Variants in GOLGA5 observed in about 807,000 individuals in gnomAD.
GOLGA5 encodes the protein golgin A5.
A neutral mutation model predicts 93.5 loss-of-function variants in GOLGA5; 50 were observed. The observed-to-expected ratio is 0.53, with a 90% CI of 0.43 to 0.68. GOLGA5 has a LOEUF of 0.68. GOLGA5 is among the 30% of genes least tolerant of loss of function. The pLI is 0.00. For synonymous variants in GOLGA5, 312 were observed against 304.5 expected (o/e 1.02, Z -0.26); for missense variants, 760 against 856.4 (o/e 0.89, Z 1.40).
intron 2 of GOLGA5, among the ~76,000 whole-genome samples, chr14:92,804,071 T>G (rs1884930742): frequency 6.6e-6 from 1 of 152,190 alleles, no homozygotes; most frequent in African/African-American, 2.4e-5. Context: ...TTATAGTTTT[T>G]AAGATGGATA....
intron 6 of GOLGA5, among the ~76,000 whole-genome samples, chr14:92,814,194 C>A (rs1188225447): frequency 6.6e-6 from 1 of 151,994 alleles, no homozygotes; most frequent in Non-Finnish European, 1.5e-5. Context: ...GGGAGAAAGG[C>A]TGAGGTCTAA....
At chr14:92,794,526 C>T (rs1166223525) in intron 1 of GOLGA5, 70 bp downstream of exon 1, 1 of 152,372 alleles carries the variant, frequency 6.6e-6, no homozygotes, top group African/African-American at 2.4e-5. Context: ...GGGCGCAGTC[C>T]CTTCAGTGGA....
chr14:92,811,766 A>G lies in GOLGA5; in HGVS notation c.1320+12A>G, dbSNP rs775785536. The G allele has an allele frequency of 7.6e-6, 12 of 1,577,014 alleles. No individual in the cohort carries two copies. The Admixed American group carries it at 1.7e-4, about 22-fold the overall frequency. On this transcript the variant is annotated intron_variant, in intron 6 of 12. Coordinates refer to ENST00000163416, the MANE Select transcript of GOLGA5 (RefSeq NM_005113.4). ...CTAGAATACTGCAAGTAAGCATGAA[A>G]TGTACACTTTTGGATGTTAAGATGT... is the stretch of plus-strand genomic sequence containing the variant.
Position 92,839,744 on chromosome 14 carries a change from T to G in GOLGA5, c.*298T>G. On this transcript the variant is annotated 3_prime_UTR_variant, in exon 13 of 13. Transcript: ENST00000163416. ...GTTGTTCACCTCTGTACAGACCATC[T>G]GTATGTTAGGTGACATTGATTATGG... 3.0e-6 allele frequency: 1 copy of G among 335,794 alleles called. No homozygotes were observed. Among genetic ancestry groups the G allele is most frequent in the Non-Finnish European group, 5.4e-6 (1 of 185,166 alleles). The allele number at this position is 335,794 out of a possible 1,614,324, so 20.8% of individuals were successfully genotyped here.
chr14:92,829,266 C>G (rs1163554204), intron 9 of GOLGA5, among the ~76,000 whole-genome samples: 1 of 152,100 alleles, frequency 6.6e-6, no homozygotes, highest in Non-Finnish European at 1.5e-5. Flanking sequence ...CCTGGCGAGT[C>G]TTATCACTTA....
intron 2 of GOLGA5, among the ~76,000 whole-genome samples, chr14:92,804,556 A>G (rs1354943133): frequency 6.6e-6 from 1 of 152,016 alleles, no homozygotes; most frequent in East Asian, 1.9e-4. Flanking sequence ...CACAGATCTT[A>G]TATCATTTTT....
chr14:92,796,699 G>A (rs905245332), intron 1 of GOLGA5, among the ~76,000 whole-genome samples: 2 of 151,088 alleles, frequency 1.3e-5, no homozygotes, highest in African/African-American at 2.4e-5. Context: ...GGCCGGGCGC[G>A]GTGGCTCACG....
At chr14:92,816,480 T>A (rs1479291932) in intron 7 of GOLGA5, 59 bp downstream of exon 7, 1 of 1,419,412 alleles carries the variant, frequency 7.0e-7, no homozygotes, top group Non-Finnish European at 9.8e-7. Flanking sequence ...GTTAACAGTT[T>A]GAGAGGTGGG....
intron 2 of GOLGA5, among the ~76,000 whole-genome samples, chr14:92,805,631 T>C (rs1172934944): frequency 6.6e-6 from 1 of 152,234 alleles, no homozygotes; most frequent in Non-Finnish European, 1.5e-5. Context: ...CTAGTTGCTC[T>C]GCAGTGTCAC....
At position 92,796,887 on chromosome 14, in the gene GOLGA5, G is replaced by A. The variant is rs1038299291; in HGVS notation, c.-30-521G>A. 1.9e-4 allele frequency among the ~76,000 whole-genome samples: 19 copies of A among 99,636 alleles called. 1 individual carries two copies. Among genetic ancestry groups the A allele is most frequent in the African/African-American group, 8.1e-4 (18 of 22,248 alleles). 65.4% of individuals were successfully genotyped at this position (99,636 alleles called of 152,430 possible). A position where few individuals can be genotyped will look rare whatever the true frequency, so the allele number is the denominator to read the frequency against. ...CGGGAGGCTGAGGCAGGAGAGTGGC[G>A]TGAACCCGGGAAGCGGAGCTTGCAG... On this transcript the variant is annotated intron_variant, in intron 1 of 12. Coordinates refer to ENST00000163416, the MANE Select transcript of GOLGA5 (RefSeq NM_005113.4).
chr14:92,838,385 T>C (rs1885689547), intron 12 of GOLGA5, among the ~76,000 whole-genome samples: 1 of 152,006 alleles, frequency 6.6e-6, no homozygotes, highest in Non-Finnish European at 1.5e-5. Flanking sequence ...TTTTTTTTTC[T>C]GAGACTGAGT....
chr14:92,833,035 A>G (rs905205269), intron 9 of GOLGA5, 87 bp from the exon 10 acceptor site: 5 of 781,722 alleles, frequency 6.4e-6, no homozygotes, highest in East Asian at 2.4e-5. Flanking sequence ...GAATGCCACA[A>G]TTTACCTATG....
intron 2 of GOLGA5, among the ~76,000 whole-genome samples, chr14:92,800,327 G>T (rs1248085227): frequency 6.6e-6 from 1 of 152,206 alleles, no homozygotes; most frequent in Non-Finnish European, 1.5e-5. Context: ...TGTATTTTTA[G>T]CTGGGTCTTA....
chr14:92,798,951 T>C (rs1387676989), intron 2 of GOLGA5, among the ~76,000 whole-genome samples: 1 of 152,102 alleles, frequency 6.6e-6, no homozygotes, highest in Non-Finnish European at 1.5e-5. Context: ...AAAAACTTGA[T>C]AGTAGGTTCT....
chr14:92,810,871 A>T (rs10134439), intron 5 of GOLGA5, among the ~76,000 whole-genome samples: 1 of 152,242 alleles, frequency 6.6e-6, no homozygotes, highest in East Asian at 1.9e-4. Flanking sequence ...ATGCAGTCAC[A>T]TTCCATTGTA....
At chr14:92,837,659 G>A (rs2140339832) in intron 12 of GOLGA5, among the ~76,000 whole-genome samples, 1 of 152,114 alleles carries the variant, frequency 6.6e-6, no homozygotes, top group Middle Eastern at 3.4e-3. Context: ...TACCTCCCAG[G>A]CTCAAGCCAT....
chr14:92,821,846 A>T (rs893653094), intron 8 of GOLGA5, among the ~76,000 whole-genome samples: 3 of 152,192 alleles, frequency 2.0e-5, no homozygotes, highest in Admixed American at 2.0e-4. Flanking sequence ...CAGAAATTGC[A>T]TTTTAATTTA....
rs1301020193 is a variant in GOLGA5, at chr14:92,809,506, A to G, written c.979A>G (p.Ser327Gly). Residue 327 changes from serine to glycine, a missense_variant, in exon 4 of 13, where the codon AGT becomes GGT. Coordinates refer to ENST00000163416, the MANE Select transcript of GOLGA5 (RefSeq NM_005113.4). ...CACAGAAGCATTAGAAGCCTTACAGAGTGAAAAATCACGGTAGGTGATTCT... is the reference window on the plus strand; with the variant it reads ...CACAGAAGCATTAGAAGCCTTACAGGGTGAAAAATCACGGTAGGTGATTCT... ...TRTEALEALQ[S>G]EKSRIMQDQS... 6.2e-7 allele frequency: 1 copy of G among 1,608,292 alleles called. No homozygotes were observed. The highest frequency in any genetic ancestry group is 1.7e-5 in the Admixed American group (1 of 59,940).
Position 92,809,393 on chromosome 14 carries a change from A to C in GOLGA5, c.866A>C (p.Asp289Ala), listed in dbSNP as rs1382598099. 1 of 1,613,634 alleles carries C rather than the reference A, an allele frequency of 6.2e-7. No individual in the cohort carries two copies. The highest frequency in any genetic ancestry group is 1.7e-5 in the Admixed American group (1 of 60,018). ...CGAGGACTCCGAGCCCAAGTAGATG[A>C]CCTGACTGAAGCTGTGGCTGCAAAG... ...MTRGLRAQVD[D>A]LTEAVAAKDS... The change falls in exon 4 of 13, where the codon GAC becomes GCC. Residue 289 changes from aspartate to alanine, a missense_variant. Physicochemically the swap from Asp to Ala is moderately radical, Grantham distance 126. Transcript: ENST00000163416.
Sources: allele counts gnomAD v4.1 joint callset (sites outside exome capture counted in the v4.1 genomes callset), GRCh38; gene constraint gnomAD v4.1.1; transcripts MANE v1.5; gene names NCBI Gene and HGNC (gene_info 2026-07-23, HGNC 2026-07-21).